NOL4: variants seen among roughly 807,000 people sequenced by gnomAD.
NOL4 encodes nucleolar protein 4.
In NOL4, 17 loss-of-function variants were observed where a neutral mutation model predicts 75.9. The ratio of observed to expected loss-of-function variants is 0.22; its 90% CI spans 0.15 to 0.34. The LOEUF (loss-of-function observed/expected upper bound fraction) is 0.34. NOL4 is among the 10% of genes least tolerant of loss of function. The pLI is 1.00. For synonymous variants in NOL4, 292 were observed against 289.9 expected (o/e 1.01, Z -0.07); for missense variants, 614 against 793.5 (o/e 0.77, Z 2.72).
Position 34,223,956 on chromosome 18 carries a change from A to C in NOL4, c.-703T>G, listed in dbSNP as rs1337260301. On this transcript the variant is annotated 5_prime_UTR_variant, in exon 1 of 11. Transcript: ENST00000261592. ...ATTCTGTTTTACAGAATTTTTTATC[A>C]AGATATTTTTTAAAACGGTTTAAAA... The C allele has an allele frequency of 6.6e-6, 1 of 152,264 alleles. No homozygotes were observed. Among genetic ancestry groups the C allele is most frequent in the East Asian group, 1.9e-4 (1 of 5,192 alleles). The allele number at this position is 152,264 out of a possible 1,614,324, so 9.4% of individuals were successfully genotyped here.
At chr18:33,953,588 C>T (rs2069406835) in intron 8 of NOL4, among the ~76,000 whole-genome samples, 1 of 152,144 alleles carries the variant, frequency 6.6e-6, no homozygotes, top group Non-Finnish European at 1.5e-5. Flanking sequence ...TCTCATTCTA[C>T]ATTTTTGAGC....
At chr18:34,110,558 C>T (rs2079541464) in intron 2 of NOL4, among the ~76,000 whole-genome samples, 1 of 152,080 alleles carries the variant, frequency 6.6e-6, no homozygotes, top group Non-Finnish European at 1.5e-5. Context: ...CCATATGTAA[C>T]AAGCCCACAG....
intron 6 of NOL4, among the ~76,000 whole-genome samples, chr18:34,015,194 A>G (rs2146367403): frequency 6.6e-6 from 1 of 152,086 alleles, no homozygotes; most frequent in Admixed American, 6.6e-5. Flanking sequence ...AGCACTCTAC[A>G]TTTGGATTAA....
intron 1 of NOL4, among the ~76,000 whole-genome samples, chr18:34,134,182 T>C (rs1196168325): frequency 6.6e-6 from 1 of 152,006 alleles, no homozygotes; most frequent in African/African-American, 2.4e-5. Flanking sequence ...TAGAACAAAA[T>C]ATATATCAGT....
At chr18:34,016,902 T>TA (rs1298354454) in intron 6 of NOL4, among the ~76,000 whole-genome samples, 1 of 152,066 alleles carries the variant, frequency 6.6e-6, no homozygotes, top group Non-Finnish European at 1.5e-5. Context: ...GAGAATAAAT[T>TA]AATTGGTGGC....
intron 10 of NOL4, among the ~76,000 whole-genome samples, chr18:33,861,838 TACTGCCCAAGGTAATTTATAGATTCAA>T (rs1198956229): frequency 6.6e-6 from 1 of 151,972 alleles, no homozygotes; most frequent in Non-Finnish European, 1.5e-5. Context: ...AAAATGGCCA[TACTGCCCAAGGTAATTTATAGATTCAA>T]TGCCATCCCC....
chr18:33,868,905 A>T (rs1020433688), intron 10 of NOL4, among the ~76,000 whole-genome samples: 8 of 152,230 alleles, frequency 5.3e-5, no homozygotes, highest in Non-Finnish European at 5.9e-5. Context: ...TAAAAATCCA[A>T]TACAACCCTC....
intron 5 of NOL4, among the ~76,000 whole-genome samples, chr18:34,042,883 G>A (rs1051751354): frequency 2.0e-5 from 3 of 152,048 alleles, no homozygotes; most frequent in Admixed American, 6.6e-5. Flanking sequence ...GAATCACATT[G>A]AGGTTAAGAC....
At chr18:34,160,894 G>A (rs1250360554) in intron 1 of NOL4, among the ~76,000 whole-genome samples, 1 of 152,118 alleles carries the variant, frequency 6.6e-6, no homozygotes, top group Non-Finnish European at 1.5e-5. Context: ...TCACCCTGCA[G>A]TACGATAAAA....
intron 5 of NOL4, among the ~76,000 whole-genome samples, chr18:34,083,401 G>A (rs910477007): frequency 3.3e-5 from 5 of 152,136 alleles, no homozygotes; most frequent in African/African-American, 1.2e-4. Context: ...CTAAGGAAGG[G>A]CCAGCTGGGA....
chr18:34,058,106 T>C lies in NOL4; in HGVS notation c.772+35359A>G, dbSNP rs73416370. Among the ~76,000 whole-genome samples the C allele has an allele frequency of 4.9e-3, 746 of 152,220 alleles. 8 individuals are homozygous for C. The highest frequency in any genetic ancestry group is 0.017 in the African/African-American group (699 of 41,552). On this transcript the variant is annotated intron_variant, in intron 5 of 10. Transcript: ENST00000261592. ...GCCTGCTCACATCTCCAGGTCTATA[T>C]TGTGCTCTTCCTCTGCTGGCCTGTT...
chr18:34,137,950 G>A (rs2080967984), intron 1 of NOL4, among the ~76,000 whole-genome samples: 1 of 151,914 alleles, frequency 6.6e-6, no homozygotes, highest in Non-Finnish European at 1.5e-5. Flanking sequence ...AGCAAAATGT[G>A]GCATAACCAT....
At chr18:33,934,871 T>G (rs1465323651) in intron 9 of NOL4, among the ~76,000 whole-genome samples, 1 of 150,942 alleles carries the variant, frequency 6.6e-6, no homozygotes, top group Non-Finnish European at 1.5e-5. Flanking sequence ...CGTTTTTTTT[T>G]TTTTTTTTTT....
At chr18:33,897,894 A>G (rs2065509167) in intron 9 of NOL4, among the ~76,000 whole-genome samples, 2 of 151,920 alleles carry the variant, frequency 1.3e-5, no homozygotes, top group Admixed American at 6.6e-5. Context: ...ATTGGGCTCC[A>G]TTTATTTTAA....
At chr18:33,934,608 T>C (rs553098039) in intron 9 of NOL4, among the ~76,000 whole-genome samples, 2 of 152,292 alleles carry the variant, frequency 1.3e-5, no homozygotes, top group African/African-American at 2.4e-5. Flanking sequence ...CATGTTTATG[T>C]TCTGGCAATG....
chr18:33,997,949 A>G (rs1204882847), intron 6 of NOL4, among the ~76,000 whole-genome samples: 2 of 151,950 alleles, frequency 1.3e-5, no homozygotes, highest in African/African-American at 4.8e-5. Flanking sequence ...TGAATAATGA[A>G]GGAATGAAAT....
intron 6 of NOL4, among the ~76,000 whole-genome samples, chr18:33,976,733 G>T (rs549145134): frequency 3.5e-4 from 54 of 152,216 alleles, no homozygotes; most frequent in African/African-American, 1.1e-3. Flanking sequence ...TCCTTTTAGA[G>T]TTAAGTTTGA....
At chr18:34,013,338 T>G (rs911565409) in intron 6 of NOL4, among the ~76,000 whole-genome samples, 1 of 151,886 alleles carries the variant, frequency 6.6e-6, no homozygotes, top group South Asian at 2.1e-4. Flanking sequence ...GCAAGTCTTA[T>G]TCTCTGTTAG....
At chr18:34,183,886 A>G (rs2034246839) in intron 1 of NOL4, among the ~76,000 whole-genome samples, 1 of 151,968 alleles carries the variant, frequency 6.6e-6, no homozygotes, top group African/African-American at 2.4e-5. Context: ...TGGTAGATGT[A>G]TAGCTCTAAG....
Sources: gnomAD v4.1 joint callset for allele counts (sites outside exome capture counted in the v4.1 genomes callset) on GRCh38, gnomAD v4.1.1 for gene constraint, MANE v1.5 for transcripts, NCBI Gene and HGNC (gene_info 2026-07-23, HGNC 2026-07-21) for gene names.